Variants in USH2A observed in about 807,000 individuals in gnomAD.
The protein encoded by USH2A is usherin.
Under a neutral mutation model 538.9 loss-of-function variants are expected in USH2A, and 443 were observed. That is an observed-to-expected ratio of 0.82 (90% CI 0.76 to 0.89). The LOEUF is 0.89. Ranked by LOEUF, USH2A falls within the 40% of genes least tolerant of loss-of-function variation. The pLI, the probability that USH2A is intolerant of heterozygous loss-of-function variation, is 0.00. For missense variants in USH2A, 6,633 were observed against 6,324.8 expected, an observed-to-expected ratio of 1.05 and a Z score of -1.65; for synonymous variants, 2,413 against 2,273.5, an observed-to-expected ratio of 1.06 and a Z score of -1.75.
intron 34 of USH2A, 48 bp downstream of exon 34, chr1:215,998,836 GAGA>G (rs1412200707): frequency 3.8e-6 from 6 of 1,587,222 alleles, no homozygotes; most frequent in South Asian, 1.1e-5. Flanking sequence ...ACGGGAAGGG[GAGA>G]AGAAGTGGAA....
intron 70 of USH2A, chr1:215,629,979 G>A (rs1656210431): frequency 4.9e-6 from 2 of 411,346 alleles, no homozygotes; most frequent in South Asian, 3.8e-5. Flanking sequence ...GTTTCACCGT[G>A]TTAGCCAGGA....
chr1:215,681,718 G>A (rs1413876956), intron 61 of USH2A, among the ~76,000 whole-genome samples: 1 of 152,128 alleles, frequency 6.6e-6, no homozygotes, highest in Non-Finnish European at 1.5e-5. Flanking sequence ...TTTTGGTGCT[G>A]TTTTCTGACA....
At position 216,288,523 on chromosome 1, in the gene USH2A, A is replaced by G. The variant is rs115839800; in HGVS notation, c.1971+757T>C. 3.5e-3 allele frequency among the ~76,000 whole-genome samples: 529 copies of G among 152,270 alleles called. 3 individuals carry two copies. Among genetic ancestry groups the G allele is most frequent in the African/African-American group, 0.012 (513 of 41,572 alleles). On this transcript the variant is annotated intron_variant, in intron 11 of 71. Transcript: ENST00000307340. ...AATATAACTTTTTAACAAATATTCT[A>G]TAACTGGATTGTGGTTTATGCTCCT...
chr1:216,064,369 G>A (rs57154840), intron 30 of USH2A, among the ~76,000 whole-genome samples: 4,119 of 152,080 alleles, frequency 0.027, 213 homozygotes, highest in African/African-American at 0.094. Flanking sequence ...CTGGGGTCAC[G>A]TAGACAACTC....
intron 50 of USH2A, among the ~76,000 whole-genome samples, chr1:215,795,904 T>C (rs1466088585): frequency 6.6e-6 from 1 of 152,228 alleles, no homozygotes. Flanking sequence ...CCTGTTGATA[T>C]GTACTGTGTT....
At chr1:215,970,151 G>A (rs1480645824) in intron 36 of USH2A, among the ~76,000 whole-genome samples, 1 of 152,168 alleles carries the variant, frequency 6.6e-6, no homozygotes, top group Non-Finnish European at 1.5e-5. Flanking sequence ...TTATGAAGCT[G>A]TATCACATGA....
At chr1:216,208,883 G>T (rs1398843824) in intron 15 of USH2A, among the ~76,000 whole-genome samples, 1 of 152,118 alleles carries the variant, frequency 6.6e-6, no homozygotes, top group Non-Finnish European at 1.5e-5. Flanking sequence ...TGCCAATCAG[G>T]GAAGCTCCTT....
At chr1:215,627,433 C>CTTCCTTCCTTCTTTCCTTCCTTCT (rs1656082652) in intron 71 of USH2A, among the ~76,000 whole-genome samples, 3 of 74,756 alleles carry the variant, frequency 4.0e-5, no homozygotes, top group African/African-American at 1.6e-4. Flanking sequence ...TCCTTCCTTC[C>CTTCCTTCCTTCTTTCCTTCCTTCT]TTCCTTCCTT....
At chr1:216,193,016 A>G (rs928777162) in intron 19 of USH2A, among the ~76,000 whole-genome samples, 1 of 152,160 alleles carries the variant, frequency 6.6e-6, no homozygotes, top group African/African-American at 2.4e-5. Flanking sequence ...GATGTGGAAT[A>G]TGAACAAACA....
chr1:215,821,698 G>T (rs1663020311), intron 47 of USH2A, among the ~76,000 whole-genome samples: 1 of 151,590 alleles, frequency 6.6e-6, no homozygotes, highest in African/African-American at 2.4e-5. Context: ...ATCATGTCTG[G>T]GAGCATCTCC....
At chr1:216,167,693 T>C (rs1201539520) in intron 21 of USH2A, among the ~76,000 whole-genome samples, 4 of 152,112 alleles carry the variant, frequency 2.6e-5, no homozygotes, top group South Asian at 2.1e-4. Flanking sequence ...AGTCACCCAC[T>C]TGGCCCTCTT....
intron 47 of USH2A, among the ~76,000 whole-genome samples, chr1:215,836,488 T>TATATAATATATATTA (rs1553267731): frequency 1.4e-4 from 3 of 20,812 alleles, no homozygotes; most frequent in African/African-American, 4.3e-4. Context: ...ATAATATATA[T>TATATAATATATATTA]TATATATATA....
chr1:215,824,781 A>T (rs1663107850), intron 47 of USH2A, among the ~76,000 whole-genome samples: 1 of 152,124 alleles, frequency 6.6e-6, no homozygotes, highest in Non-Finnish European at 1.5e-5. Flanking sequence ...TGTCCACTTC[A>T]ATCGCACTTT....
intron 9 of USH2A, among the ~76,000 whole-genome samples, chr1:216,302,200 T>C (rs1355630): frequency 0.39 from 58,647 of 152,166 alleles, 12,545 homozygotes; most frequent in African/African-American, 0.58. Context: ...AAAATGGCTC[T>C]GTGCTTTGCA....
At chr1:215,749,073 G>A (rs1660557939) in intron 58 of USH2A, among the ~76,000 whole-genome samples, 1 of 152,056 alleles carries the variant, frequency 6.6e-6, no homozygotes, top group African/African-American at 2.4e-5. Flanking sequence ...TATTTTTTAT[G>A]TGTACTTGGA....
chr1:215,715,613 A>G (rs1048183559), intron 61 of USH2A, among the ~76,000 whole-genome samples: 4 of 152,202 alleles, frequency 2.6e-5, no homozygotes, highest in African/African-American at 9.6e-5. Flanking sequence ...GAGATAATGA[A>G]GAGAGTTTTC....
At chr1:216,038,287 A>T (rs2030088042) in intron 32 of USH2A, among the ~76,000 whole-genome samples, 1 of 151,954 alleles carries the variant, frequency 6.6e-6, no homozygotes, top group Non-Finnish European at 1.5e-5. Flanking sequence ...CAGAAATTTG[A>T]TATTTGTCCT....
chr1:216,342,196 A>G (rs1261911617), intron 4 of USH2A, among the ~76,000 whole-genome samples: 3 of 152,212 alleles, frequency 2.0e-5, no homozygotes, highest in Admixed American at 6.5e-5. Flanking sequence ...ATGAACAGAC[A>G]CTTCTCAAAA....
Position 215,634,593 on chromosome 1 carries a change from A to G in USH2A, c.15163T>C (p.Leu5055=), listed in dbSNP as rs1381058796. The stretch of plus-strand genomic sequence containing the variant: ...AGTATCAGGGACAGAAAAATGGCCA[A>G]CAAGATCAAGCCCAGCATCGCCATT... ...VLMAMLGLIL[L]AIFLSLILQR... The change falls in exon 70 of 72, where the codon TTG becomes CTG. Residue 5055 remains leucine (L), a synonymous_variant. Transcript: ENST00000307340. The G allele has an allele frequency of 1.9e-6, 3 of 1,614,106 alleles. No homozygotes were observed. The highest frequency in any genetic ancestry group is 2.5e-6 in the Non-Finnish European group (3 of 1,180,046).
Sources: allele counts gnomAD v4.1 joint callset (sites outside exome capture counted in the v4.1 genomes callset), GRCh38; gene constraint gnomAD v4.1.1; transcripts MANE v1.5; gene names NCBI Gene and HGNC (gene_info 2026-07-23, HGNC 2026-07-21).